HOMER2: variants seen among roughly 807,000 people sequenced by gnomAD.
HOMER2 encodes homer protein homolog 2.
In HOMER2, 27 loss-of-function variants were observed where a neutral mutation model predicts 47.0. That is an observed-to-expected ratio of 0.57 (90% CI 0.42 to 0.79). The LOEUF is 0.79. Ranked by LOEUF, HOMER2 falls within the 30% of genes least tolerant of loss-of-function variation. HOMER2 has a pLI of 0.00. For synonymous variants in HOMER2, 161 were observed against 163.8 expected, an observed-to-expected ratio of 0.98 and a Z score of 0.13; for missense variants, 443 against 435.0, an observed-to-expected ratio of 1.02 and a Z score of -0.16.
At chr15:82,865,987 C>A (rs948900271) in intron 3 of HOMER2, among the ~76,000 whole-genome samples, 2 of 152,186 alleles carry the variant, frequency 1.3e-5, no homozygotes, top group African/African-American at 4.8e-5. Flanking sequence ...CCCACAGAGT[C>A]CCTACTGGGG....
chr15:82,954,646 C>T (rs1422877724), upstream of HOMER2, among the ~76,000 whole-genome samples: 1 of 151,834 alleles, frequency 6.6e-6, no homozygotes, highest in Non-Finnish European at 1.5e-5. Context: ...TACACTACAA[C>T]CTGCAACCTG....
intron 1 of HOMER2, among the ~76,000 whole-genome samples, chr15:82,935,715 T>A (rs887037840): frequency 2.0e-5 from 3 of 152,112 alleles, no homozygotes; most frequent in Non-Finnish European, 2.9e-5. Context: ...CTCTCCCTCA[T>A]CCCTTATGCC....
chr15:82,945,375 C>G (rs1419672533), intron 1 of HOMER2, among the ~76,000 whole-genome samples: 1 of 152,034 alleles, frequency 6.6e-6, no homozygotes, highest in Non-Finnish European at 1.5e-5. Context: ...GATGTCCACT[C>G]AAGATATTTT....
At chr15:82,966,678 G>A (rs1033687230) in intron 1 of HOMER2, among the ~76,000 whole-genome samples, 1 of 152,168 alleles carries the variant, frequency 6.6e-6, no homozygotes, top group Non-Finnish European at 1.5e-5. Flanking sequence ...GGTTAACCTG[G>A]GACCTCTCGG....
intron 6 of HOMER2, among the ~76,000 whole-genome samples, chr15:82,852,982 A>G (rs1472472323): frequency 2.0e-5 from 3 of 152,256 alleles, no homozygotes; most frequent in African/African-American, 7.2e-5. Context: ...ATGTGTGTGC[A>G]GAGTGGACAG....
chr15:82,903,341 G>T (rs1010159596), intron 1 of HOMER2, among the ~76,000 whole-genome samples: 2 of 152,064 alleles, frequency 1.3e-5, no homozygotes, highest in African/African-American at 4.8e-5. Flanking sequence ...GGCTGGGTGC[G>T]GTGGCTCTCG....
chr15:82,929,644 T>G (rs1596362863), intron 1 of HOMER2, among the ~76,000 whole-genome samples: 3 of 101,918 alleles, frequency 2.9e-5, no homozygotes, highest in African/African-American at 8.7e-5. Context: ...GGTGACAGAG[T>G]GAGACTATCA....
intron 1 of HOMER2, among the ~76,000 whole-genome samples, chr15:82,904,668 C>T (rs76261484): frequency 0.01 from 1,548 of 152,284 alleles, 33 homozygotes; most frequent in African/African-American, 0.036. Flanking sequence ...TTCAACCATC[C>T]TGTCCTACTT....
At position 82,852,253 on chromosome 15, in the gene HOMER2, C is replaced by A; in HGVS notation, c.652-1G>T. The A allele has an allele frequency of 6.2e-7, 1 of 1,606,792 alleles. No homozygotes were observed. The highest frequency in any genetic ancestry group is 8.5e-7 in the Non-Finnish European group (1 of 1,173,544). Reference sequence around the variant, plus strand: ...TGCATTGTTCTTCCAGCTCATCAATCTTCAATACACACCACACAGGAAAGC... The same window carrying A: ...TGCATTGTTCTTCCAGCTCATCAATATTCAATACACACCACACAGGAAAGC... On this transcript the variant is annotated splice_acceptor_variant, in intron 6 of 8. Coordinates refer to ENST00000450735, the MANE Select transcript of HOMER2 (RefSeq NM_004839.4). LOFTEE classifies it high-confidence loss of function.
chr15:82,866,608 C>A (rs2051975499), intron 3 of HOMER2, among the ~76,000 whole-genome samples: 1 of 152,222 alleles, frequency 6.6e-6, no homozygotes, highest in Admixed American at 6.5e-5. Flanking sequence ...GTAACTCCCA[C>A]AATTCCCACA....
At chr15:82,880,328 G>A (rs537278574) in intron 2 of HOMER2, among the ~76,000 whole-genome samples, 2 of 152,174 alleles carry the variant, frequency 1.3e-5, no homozygotes, top group African/African-American at 2.4e-5. Flanking sequence ...CTGGTTTAGC[G>A]ATATATACAC....
chr15:82,869,847 A>T (rs1302336933), intron 3 of HOMER2, among the ~76,000 whole-genome samples: 2 of 151,926 alleles, frequency 1.3e-5, no homozygotes, highest in African/African-American at 4.8e-5. Context: ...GGGCTTTTAA[A>T]TTTTTTTTAT....
intron 1 of HOMER2, among the ~76,000 whole-genome samples, chr15:82,939,469 C>T (rs1410628480): frequency 6.6e-6 from 1 of 152,130 alleles, no homozygotes; most frequent in Non-Finnish European, 1.5e-5. Context: ...AAGTTCGAGA[C>T]CAGCCTGGCC....
chr15:82,930,506 G>T (rs569277718), intron 1 of HOMER2, among the ~76,000 whole-genome samples: 5 of 152,306 alleles, frequency 3.3e-5, no homozygotes, highest in African/African-American at 1.2e-4. Context: ...TCTTCTGCCT[G>T]AAGATAAAGT....
At chr15:82,843,666 G>A (rs1401700268) in exon 2 of HOMER2, 5 of 151,694 alleles carry the variant, frequency 3.3e-5, no homozygotes, top group African/African-American at 1.2e-4. Flanking sequence ...TGATACTGCT[G>A]AACACCTTAA....
chr15:82,942,169 T>C (rs1444302179), intron 1 of HOMER2, among the ~76,000 whole-genome samples: 2 of 152,222 alleles, frequency 1.3e-5, no homozygotes, highest in Admixed American at 1.3e-4. Flanking sequence ...TCTACGTTCA[T>C]ATTTCAATAA....
chr15:82,860,022 C>T (rs577385701), intron 4 of HOMER2, among the ~76,000 whole-genome samples: 24 of 151,978 alleles, frequency 1.6e-4, no homozygotes, highest in Admixed American at 3.3e-4. Context: ...CTGAGGCGGG[C>T]AGATCACCTG....
chr15:82,889,917 C>G lies in HOMER2; in HGVS notation c.162+2768G>C, dbSNP rs76555484. 2.3e-3 allele frequency among the ~76,000 whole-genome samples: 356 copies of G among 152,292 alleles called. 2 individuals are homozygous for G. The highest frequency in any genetic ancestry group is 7.8e-3 in the African/African-American group (324 of 41,566). ...GCTCCCATCCCCAATCCCTGAATGC[C>G]AACTGTAGTAATTAAACAACTGAGG... On this transcript the variant is annotated intron_variant, in intron 2 of 8. Transcript: ENST00000450735.
At chr15:82,974,398 C>CT (rs2030127065) in intron 1 of HOMER2, among the ~76,000 whole-genome samples, 1 of 149,864 alleles carries the variant, frequency 6.7e-6, no homozygotes, top group Non-Finnish European at 1.5e-5. Flanking sequence ...GAGCAAAACT[C>CT]TATCTCAAAA....
Sources: gnomAD v4.1 joint callset for allele counts (sites outside exome capture counted in the v4.1 genomes callset) on GRCh38, gnomAD v4.1.1 for gene constraint, MANE v1.5 for transcripts, NCBI Gene and HGNC (gene_info 2026-07-23, HGNC 2026-07-21) for gene names.